Variants in LPIN2 observed in about 807,000 individuals in gnomAD.
The protein encoded by LPIN2 is phosphatidate phosphatase LPIN2.
A neutral mutation model predicts 111.4 loss-of-function variants in LPIN2; 55 were observed. That is an observed-to-expected ratio of 0.49 (90% CI 0.40 to 0.62). The LOEUF is 0.62. Among genes scored for constraint, LPIN2 ranks in the 20% least tolerant of loss-of-function variants. LPIN2 has a pLI of 0.00. For synonymous variants in LPIN2, 425 were observed against 414.0 expected (o/e 1.03, Z -0.32); for missense variants, 992 against 1,112.1 (o/e 0.89, Z 1.54).
intron 1 of LPIN2, among the ~76,000 whole-genome samples, chr18:2,993,160 A>G (rs796993436): frequency 1.3e-5 from 2 of 151,896 alleles, no homozygotes; most frequent in African/African-American, 4.8e-5. Flanking sequence ...GAAAAAAGAA[A>G]GAAGAAAGGA....
chr18:2,969,032 T>G (rs943228314), intron 1 of LPIN2, among the ~76,000 whole-genome samples: 3 of 151,958 alleles, frequency 2.0e-5, no homozygotes, highest in African/African-American at 7.3e-5. Flanking sequence ...ATAAAAAGAG[T>G]AGACCTGGTG....
At chr18:2,943,648 C>T (rs1307443329) in intron 4 of LPIN2, among the ~76,000 whole-genome samples, 1 of 152,132 alleles carries the variant, frequency 6.6e-6, no homozygotes, top group East Asian at 1.9e-4. Context: ...TTCCCCCAAC[C>T]CATAAAGACT....
At chr18:2,942,764 C>A (rs2077382244) in intron 4 of LPIN2, among the ~76,000 whole-genome samples, 1 of 152,156 alleles carries the variant, frequency 6.6e-6, no homozygotes, top group South Asian at 2.1e-4. Flanking sequence ...TTCCAGAAAC[C>A]TTTTAGGAAC....
At chr18:2,994,525 T>TA (rs1330906036) in intron 1 of LPIN2, among the ~76,000 whole-genome samples, 9 of 152,246 alleles carry the variant, frequency 5.9e-5, no homozygotes, top group Non-Finnish European at 1.2e-4. Context: ...GGACATATAA[T>TA]AATATTTTAT....
intron 1 of LPIN2, among the ~76,000 whole-genome samples, chr18:2,998,575 G>GAA (rs1246489403): frequency 2.0e-5 from 3 of 152,066 alleles, no homozygotes; most frequent in Non-Finnish European, 4.4e-5. Flanking sequence ...CTATTATAAA[G>GAA]GAAATAAAAG....
rs318240736 is a variant in LPIN2, at chr18:2,931,394, CAG to C, written c.1316_1317del (p.Ser439TrpfsTer15). ...SRQWPESDTL[S>X]GSQSPQSVGS... ...CCCACGGACTGTGGGGACTGGGAGC[CAG>C]AGAGTGTGTCAGACTCGGGCCACTG... is the stretch of plus-strand genomic sequence containing the variant. On this transcript the variant is annotated frameshift_variant, in exon 9 of 20. Transcript: ENST00000677752. LOFTEE classifies it high-confidence loss of function. The C allele has an allele frequency of 1.2e-6, 2 of 1,610,088 alleles. No homozygotes were observed. Among genetic ancestry groups the C allele is most frequent in the East Asian group, 2.2e-5 (1 of 44,754 alleles).
At position 2,934,368 on chromosome 18, in the gene LPIN2, A is replaced by T; in HGVS notation, c.1251T>A (p.Ala417=). ...DLKGLEPEVA[A]LYFPKSESEP... ...CACTCTACCTTTTAGGGAAATAAAGAGCTGCAACTTCAGGTTCTAGACCCT... is the reference window on the plus strand; with the variant it reads ...CACTCTACCTTTTAGGGAAATAAAGTGCTGCAACTTCAGGTTCTAGACCCT... The change falls in exon 8 of 20, where the codon GCT becomes GCA. Residue 417 remains alanine, a synonymous_variant. Coordinates refer to ENST00000677752, the MANE Select transcript of LPIN2 (RefSeq NM_001375808.2). The T allele has an allele frequency of 6.2e-7, 1 of 1,612,082 alleles. No individual in the cohort carries two copies. The highest frequency in any genetic ancestry group is 1.7e-5 in the Admixed American group (1 of 60,004).
intron 4 of LPIN2, among the ~76,000 whole-genome samples, chr18:2,942,444 G>C (rs1455713652): frequency 6.6e-6 from 1 of 152,100 alleles, no homozygotes; most frequent in African/African-American, 2.4e-5. Flanking sequence ...GGTCTGAAAA[G>C]AACAATGTAA....
At chr18:2,927,501 T>C (rs1023484330) in intron 12 of LPIN2, among the ~76,000 whole-genome samples, 3 of 152,186 alleles carry the variant, frequency 2.0e-5, no homozygotes, top group Non-Finnish European at 4.4e-5. Flanking sequence ...CCAAGTTTCC[T>C]TACCTGTGAA....
At chr18:2,920,501 G>T (rs1163173858) in intron 19 of LPIN2, 64 bp from the exon 20 acceptor site, 3 of 1,568,516 alleles carry the variant, frequency 1.9e-6, no homozygotes, top group Non-Finnish European at 1.8e-6. Context: ...GGCACAAGAT[G>T]GGGGGCTGTG....
At chr18:2,942,114 T>C (rs1169344647) in intron 4 of LPIN2, among the ~76,000 whole-genome samples, 1 of 152,224 alleles carries the variant, frequency 6.6e-6, no homozygotes, top group African/African-American at 2.4e-5. Context: ...TCTTCCTTTA[T>C]ATCTTAACTT....
intron 4 of LPIN2, chr18:2,946,201 T>C (rs1307430699): frequency 6.2e-7 from 1 of 1,608,462 alleles, no homozygotes; most frequent in African/African-American, 1.3e-5. Flanking sequence ...TTGTCATTGG[T>C]TCATCTGGGC....
At position 2,920,410 on chromosome 18, in the gene LPIN2, C is replaced by T. The variant is rs764170918; in HGVS notation, c.2574G>A (p.Glu858=). The T allele has an allele frequency of 6.2e-7, 1 of 1,613,896 alleles. No individual in the cohort carries two copies. Among genetic ancestry groups the T allele is most frequent in the South Asian group, 1.1e-5 (1 of 91,090 alleles). The change falls in exon 20 of 20, where the codon GAG becomes GAA. Residue 858 remains glutamate, a synonymous_variant. Coordinates refer to ENST00000677752, the MANE Select transcript of LPIN2 (RefSeq NM_001375808.2). ...SSYHRLSELV[E]HVFPLLSKEQ... ...CCTTACTGAGAAGGGGGAACACATG[C>T]TCCACGAGCTCACTCAGCCTGTGAT...
chr18:2,957,574 AAC>A (rs2077631984), intron 2 of LPIN2, among the ~76,000 whole-genome samples: 1 of 152,152 alleles, frequency 6.6e-6, no homozygotes, highest in Non-Finnish European at 1.5e-5. Context: ...CAGCTACAGA[AAC>A]TGGTCCCAGA....
intron 1 of LPIN2, among the ~76,000 whole-genome samples, chr18:3,002,275 AG>A (rs1416066426): frequency 2.7e-5 from 4 of 149,488 alleles, no homozygotes; most frequent in African/African-American, 9.8e-5. Flanking sequence ...ATAACAACAT[AG>A]GTATACCAGT....
rs2077063827 is a variant in LPIN2, at chr18:2,922,105, TTG to T, written c.2267_2268del (p.Thr756AsnfsTer33). ...AGCATCAGGGGGCCCCGGGGCAAGA[TTG>T]TGCCCTTGTCATTGACCCAGTGCAG... The part of the protein sequence containing the change: ...GYLHWVNDKG[T>X]ILPRGPLMLS... On this transcript the variant is annotated frameshift_variant, in exon 17 of 20. Transcript: ENST00000677752. LOFTEE classifies it high-confidence loss of function. 1 of 1,613,970 alleles carries T rather than the reference TTG, an allele frequency of 6.2e-7. No homozygotes were observed. Among genetic ancestry groups the T allele is most frequent in the African/African-American group, 1.3e-5 (1 of 74,944 alleles).
chr18:2,949,946 T>A (rs1474405941), intron 4 of LPIN2, among the ~76,000 whole-genome samples: 2 of 151,726 alleles, frequency 1.3e-5, no homozygotes, highest in African/African-American at 2.4e-5. Flanking sequence ...AGAAAATTTT[T>A]AAAAACTAGC....
intron 4 of LPIN2, chr18:2,945,537 A>G: frequency 1.6e-6 from 2 of 1,276,152 alleles, no homozygotes; most frequent in Non-Finnish European, 2.3e-6. Flanking sequence ...CCTTCCTCCC[A>G]TCTCCCACTC....
chr18:2,961,686 T>TCC (rs577365584), intron 1 of LPIN2, among the ~76,000 whole-genome samples: 2 of 150,976 alleles, frequency 1.3e-5, no homozygotes, highest in African/African-American at 4.9e-5. Context: ...AAAAACCAAA[T>TCC]CCCCCCCTTC....
Sources: allele counts gnomAD v4.1 joint callset (sites outside exome capture counted in the v4.1 genomes callset), GRCh38; gene constraint gnomAD v4.1.1; transcripts MANE v1.5; gene names NCBI Gene and HGNC (gene_info 2026-07-23, HGNC 2026-07-21).